Variants in C1GALT1 observed in about 807,000 individuals in gnomAD.
C1GALT1 encodes glycoprotein-N-acetylgalactosamine 3-beta-galactosyltransferase 1.
A neutral mutation model predicts 31.0 loss-of-function variants in C1GALT1; 11 were observed. The observed-to-expected ratio is 0.36, with a 90% CI of 0.22 to 0.59. The LOEUF (loss-of-function observed/expected upper bound fraction) is 0.59, where lower values mean the gene tolerates loss of function less well. C1GALT1 is among the 20% of genes least tolerant of loss of function. C1GALT1 has a pLI of 0.79. For synonymous variants in C1GALT1, 175 were observed against 143.6 expected (o/e 1.22, Z -1.56); for missense variants, 424 against 425.2 (o/e 1.00, Z 0.03).
intron 1 of C1GALT1, among the ~76,000 whole-genome samples, chr7:7,203,940 G>C (rs1182673522): frequency 6.6e-6 from 1 of 151,782 alleles, no homozygotes; most frequent in African/African-American, 2.4e-5. Context: ...CTGTAATTTT[G>C]CATCCTTTAA....
chr7:7,212,972 A>G (rs1412953520), intron 1 of C1GALT1, among the ~76,000 whole-genome samples: 1 of 152,234 alleles, frequency 6.6e-6, no homozygotes, highest in Non-Finnish European at 1.5e-5. Flanking sequence ...CTCAATTATT[A>G]AAAGGTCATA....
At chr7:7,182,159 G>C (rs1402763271), upstream of C1GALT1, among the ~76,000 whole-genome samples, 2 of 152,174 alleles carry the variant, frequency 1.3e-5, no homozygotes, top group Non-Finnish European at 2.9e-5. Flanking sequence ...GGAGAGAACA[G>C]AAAAACAAAT....
At chr7:7,199,343 C>T (rs139356131) in intron 1 of C1GALT1, among the ~76,000 whole-genome samples, 3,245 of 152,214 alleles carry the variant, frequency 0.021, 106 homozygotes, top group African/African-American at 0.073. Context: ...TGTAGGTGAG[C>T]GGTTTTGAGT....
chr7:7,173,334 G>A (rs116393484), intron 2 of C1GALT1, among the ~76,000 whole-genome samples: 3,308 of 151,908 alleles, frequency 0.022, 117 homozygotes, highest in African/African-American at 0.075. Context: ...AGCTTCCTGA[G>A]GATTCCCTGG....
chr7:7,228,399 G>T (rs1025127145), intron 1 of C1GALT1, among the ~76,000 whole-genome samples: 1 of 152,148 alleles, frequency 6.6e-6, no homozygotes, highest in African/African-American at 2.4e-5. Flanking sequence ...TACACATCAG[G>T]TTTGGAAGCA....
At chr7:7,183,881 C>G (rs939582916) in intron 1 of C1GALT1, among the ~76,000 whole-genome samples, 8 of 152,188 alleles carry the variant, frequency 5.3e-5, no homozygotes, top group African/African-American at 1.7e-4. Flanking sequence ...AAATTTAGAA[C>G]CATAATGAAT....
chr7:7,179,677 C>T (rs1016121697), upstream of C1GALT1, among the ~76,000 whole-genome samples: 1 of 152,076 alleles, frequency 6.6e-6, no homozygotes, highest in Non-Finnish European at 1.5e-5. Context: ...GGGATATAAT[C>T]TTCCTCACCT....
At chr7:7,192,154 A>G (rs935890414) in intron 1 of C1GALT1, among the ~76,000 whole-genome samples, 1 of 147,336 alleles carries the variant, frequency 6.8e-6, no homozygotes, top group Non-Finnish European at 1.5e-5. Context: ...TTTTTTTTTT[A>G]TTTCAATAGG....
At chr7:7,187,655 G>C (rs922072886) in intron 1 of C1GALT1, among the ~76,000 whole-genome samples, 41 of 152,170 alleles carry the variant, frequency 2.7e-4, no homozygotes, top group Admixed American at 2.1e-3. Flanking sequence ...GAGTTATCCA[G>C]CTCTTAATGT....
intron 1 of C1GALT1, among the ~76,000 whole-genome samples, chr7:7,190,841 AGAATACTTTTTGCCAAGT>A (rs1465226610): frequency 6.6e-6 from 1 of 152,142 alleles, no homozygotes; most frequent in African/African-American, 2.4e-5. Context: ...CCAAAGTTTT[AGAATACTTTTTGCCAAGT>A]TATATAATTT....
At position 7,247,755 on chromosome 7, in the gene C1GALT1, C is replaced by T. The variant is rs1783906289; in HGVS notation, c.*4028C>T. On this transcript the variant is annotated 3_prime_UTR_variant, in exon 4 of 4. Transcript: ENST00000436587. ...CTTTGTTTGCTTTATTACTAACTTC[C>T]ATTTTCTAGTTACTCTTAAATGCTG... The T allele has an allele frequency of 6.6e-6, 1 of 151,938 alleles. No homozygotes were observed. The highest frequency in any genetic ancestry group is 1.5e-5 in the Non-Finnish European group (1 of 67,894). 9.4% of individuals were successfully genotyped at this position (151,938 alleles called of 1,614,324 possible).
intron 1 of C1GALT1, among the ~76,000 whole-genome samples, chr7:7,231,922 C>T (rs141591264): frequency 8.8e-4 from 134 of 152,276 alleles, no homozygotes; most frequent in Admixed American, 3.5e-3. Flanking sequence ...AGACTTCAGC[C>T]GTTGTAAAGA....
At chr7:7,163,639 T>C (rs1780361840) in intron 2 of C1GALT1, among the ~76,000 whole-genome samples, 1 of 152,170 alleles carries the variant, frequency 6.6e-6, no homozygotes, top group Admixed American at 6.6e-5. Flanking sequence ...AAAATCCATG[T>C]ACAAAAATCA....
chr7:7,232,853 C>T (rs912434376), intron 1 of C1GALT1, among the ~76,000 whole-genome samples: 1 of 152,004 alleles, frequency 6.6e-6, no homozygotes, highest in African/African-American at 2.4e-5. Context: ...ATTGTGTCAG[C>T]CTATATGAAT....
intron 1 of C1GALT1, among the ~76,000 whole-genome samples, chr7:7,193,228 G>A (rs1307725140): frequency 1.3e-5 from 2 of 152,142 alleles, no homozygotes; most frequent in Non-Finnish European, 2.9e-5. Flanking sequence ...CTTTGCCTAA[G>A]CCAATGTCTA....
chr7:7,190,566 A>T (rs1005664754), intron 1 of C1GALT1, among the ~76,000 whole-genome samples: 2 of 152,168 alleles, frequency 1.3e-5, no homozygotes, highest in Non-Finnish European at 2.9e-5. Flanking sequence ...GTTCAGCATA[A>T]ATACCAAATT....
intron 1 of C1GALT1, among the ~76,000 whole-genome samples, chr7:7,189,241 T>G (rs1375916327): frequency 6.6e-6 from 1 of 152,200 alleles, no homozygotes; most frequent in Non-Finnish European, 1.5e-5. Flanking sequence ...GTTATGGCTG[T>G]CGAGCATCTT....
intron 1 of C1GALT1, among the ~76,000 whole-genome samples, chr7:7,200,906 T>C (rs1781504236): frequency 6.6e-6 from 1 of 152,226 alleles, no homozygotes; most frequent in African/African-American, 2.4e-5. Flanking sequence ...TCTAATCTTT[T>C]TTCAAGGTTT....
intron 2 of C1GALT1, among the ~76,000 whole-genome samples, chr7:7,171,766 G>A (rs934558168): frequency 6.6e-5 from 10 of 151,260 alleles, no homozygotes; most frequent in Non-Finnish European, 1.5e-4. Context: ...TATTTTCTTT[G>A]TGGTTACCAT....
Sources: allele counts gnomAD v4.1 joint callset (sites outside exome capture counted in the v4.1 genomes callset), GRCh38; gene constraint gnomAD v4.1.1; transcripts MANE v1.5; gene names NCBI Gene and HGNC (gene_info 2026-07-23, HGNC 2026-07-21).